The following MUSK variants were observed in gnomAD, a reference collection of about 807,000 sequenced individuals.
MUSK encodes muscle, skeletal receptor tyrosine-protein kinase.
In MUSK, 55 loss-of-function variants were observed where a neutral mutation model predicts 88.7. The observed-to-expected ratio is 0.62, with a 90% CI of 0.50 to 0.78. The LOEUF (loss-of-function observed/expected upper bound fraction) is 0.78. Ranked by LOEUF, MUSK falls within the 30% of genes least tolerant of loss-of-function variation. MUSK has a pLI of 0.00. For missense variants in MUSK, 1,015 were observed against 1,074.3 expected (o/e 0.94, Z 0.77); for synonymous variants, 387 against 391.9 (o/e 0.99, Z 0.15).
intron 1 of MUSK, among the ~76,000 whole-genome samples, chr9:110,678,351 G>T (rs2076056897): frequency 6.6e-6 from 1 of 151,810 alleles, no homozygotes; most frequent in South Asian, 2.1e-4. Context: ...AAAACACCTG[G>T]ATCCTTCAGT....
chr9:110,699,642 C>G (rs1444941334), intron 5 of MUSK, among the ~76,000 whole-genome samples: 1 of 151,862 alleles, frequency 6.6e-6, no homozygotes, highest in Non-Finnish European at 1.5e-5. Context: ...TAAAAAAAAG[C>G]AACTGAGAAA....
chr9:110,753,624 C>T (rs2821151), intron 7 of MUSK, among the ~76,000 whole-genome samples: 18,253 of 151,996 alleles, frequency 0.12, 1,381 homozygotes, highest in East Asian at 0.31. Flanking sequence ...TAATGTAAGC[C>T]GCTCCCCATT....
rs547504624 is a variant in MUSK, at chr9:110,716,378, A to C, written c.629-17873A>C. 3.5e-4 allele frequency among the ~76,000 whole-genome samples: 53 copies of C among 150,166 alleles called. 3 individuals carry two copies. The highest frequency in any genetic ancestry group is 1.3e-3 in the African/African-American group (51 of 39,742). ...ATCTTAAACATTAATGCTGTCACCA[A>C]ATAAATTCTCACAAAGTAATAGAAA... On this transcript the variant is annotated intron_variant, in intron 5 of 14. Coordinates refer to ENST00000374448, the MANE Select transcript of MUSK (RefSeq NM_005592.4).
Position 110,776,629 on chromosome 9 carries a change from C to G in MUSK, c.1361-3C>G. ...AAACAAATTTTTATCCTTTCCCCTT[C>G]AGATTATAACAAAGAAAACCTAAAA... On this transcript the variant is annotated splice_polypyrimidine_tract_variant and splice_region_variant and intron_variant, in intron 10 of 14. Coordinates refer to ENST00000374448, the MANE Select transcript of MUSK (RefSeq NM_005592.4). The G allele has an allele frequency of 6.3e-7, 1 of 1,598,408 alleles. No homozygotes were observed. The highest frequency in any genetic ancestry group is 8.6e-7 in the Non-Finnish European group (1 of 1,167,428).
At chr9:110,672,425 T>A (rs553595346) in intron 1 of MUSK, among the ~76,000 whole-genome samples, 1 of 152,132 alleles carries the variant, frequency 6.6e-6, no homozygotes, top group Non-Finnish European at 1.5e-5. Context: ...TTTACTGCAC[T>A]ATACCCAGCA....
chr9:110,696,406 C>T (rs952239008), intron 4 of MUSK, among the ~76,000 whole-genome samples: 2 of 152,076 alleles, frequency 1.3e-5, no homozygotes, highest in Admixed American at 6.6e-5. Context: ...TAAAAGATTA[C>T]AGACTATGTT....
intron 5 of MUSK, chr9:110,706,170 T>TA (rs1564234373): frequency 2.0e-6 from 1 of 489,828 alleles, no homozygotes; most frequent in Non-Finnish European, 4.2e-6. Context: ...TATACAATGA[T>TA]AAAACAAAAA....
chr9:110,753,385 T>C (rs2077271353), intron 7 of MUSK, among the ~76,000 whole-genome samples: 1 of 148,512 alleles, frequency 6.7e-6, no homozygotes, highest in African/African-American at 2.5e-5. Flanking sequence ...TGAGCTGAAA[T>C]TGCACCACTG....
intron 1 of MUSK, among the ~76,000 whole-genome samples, chr9:110,681,766 A>T (rs1287258670): frequency 6.6e-6 from 1 of 152,112 alleles, no homozygotes; most frequent in East Asian, 1.9e-4. Context: ...CAGAAAGTGG[A>T]TGTATCTTTT....
At chr9:110,767,694 C>G in intron 8 of MUSK, 126 bp from the exon 9 acceptor site, 1 of 1,026,540 alleles carries the variant, frequency 9.7e-7, no homozygotes, top group South Asian at 1.3e-5. Context: ...GCGTGTCAAC[C>G]AATTTACTAG....
intron 1 of MUSK, among the ~76,000 whole-genome samples, chr9:110,681,076 T>TA (rs1691584664): frequency 6.1e-5 from 2 of 32,784 alleles, no homozygotes; most frequent in Non-Finnish European, 9.7e-5. Flanking sequence ...TAATATTATA[T>TA]ATATTATATA....
At chr9:110,689,555 A>C (rs2076262919) in intron 3 of MUSK, among the ~76,000 whole-genome samples, 1 of 104,170 alleles carries the variant, frequency 9.6e-6, no homozygotes, top group Non-Finnish European at 1.7e-5. Context: ...ATATATATTT[A>C]TATATTATAT....
In MUSK at chr9:110,800,680, T is replaced by C; in HGVS notation, c.2302T>C (p.Trp768Arg). The C allele has an allele frequency of 6.2e-7, 1 of 1,614,028 alleles. No homozygotes were observed. The highest frequency in any genetic ancestry group is 8.5e-7 in the Non-Finnish European group (1 of 1,179,898). ...ANENDAIPIR[W>R]MPPESIFYNR... ...TGAAAACGACGCTATCCCTATCCGT[T>C]GGATGCCACCAGAGTCCATTTTTTA... Residue 768 changes from tryptophan to arginine, a missense_variant, in exon 15 of 15, where the codon TGG becomes CGG. Trp to Arg is a moderately radical substitution (Grantham distance 101, BLOSUM62 -3). Coordinates refer to ENST00000374448, the MANE Select transcript of MUSK (RefSeq NM_005592.4).
At chr9:110,689,534 A>ACTATATATTT (rs1554735085) in intron 3 of MUSK, among the ~76,000 whole-genome samples, 2 of 102,206 alleles carry the variant, frequency 2.0e-5, no homozygotes, top group African/African-American at 4.4e-5. Flanking sequence ...ACTATATATA[A>ACTATATATTT]ATATATAGTT....
chr9:110,797,367 G>A (rs948281558), intron 14 of MUSK, among the ~76,000 whole-genome samples: 1 of 151,992 alleles, frequency 6.6e-6, no homozygotes, highest in African/African-American at 2.4e-5. Context: ...GGTGAAAAAG[G>A]GAGGAAGTGA....
intron 2 of MUSK, among the ~76,000 whole-genome samples, chr9:110,684,500 T>TG (rs2076169972): frequency 6.6e-6 from 1 of 152,014 alleles, no homozygotes; most frequent in Non-Finnish European, 1.5e-5. Flanking sequence ...ATTTTTTTTT[T>TG]CTATTTCTGT....
At chr9:110,799,184 A>G (rs1047454290) in intron 14 of MUSK, among the ~76,000 whole-genome samples, 10 of 152,314 alleles carry the variant, frequency 6.6e-5, no homozygotes, top group African/African-American at 1.4e-4. Context: ...TGCCAAAATA[A>G]ATAAGCCAAG....
At chr9:110,751,908 A>G (rs1433322712) in intron 7 of MUSK, among the ~76,000 whole-genome samples, 1 of 152,220 alleles carries the variant, frequency 6.6e-6, no homozygotes, top group Non-Finnish European at 1.5e-5. Context: ...TTACTCGAAA[A>G]CTGAAAAATG....
chr9:110,739,950 T>C (rs1002608702), intron 6 of MUSK, among the ~76,000 whole-genome samples: 1 of 152,136 alleles, frequency 6.6e-6, no homozygotes, highest in African/African-American at 2.4e-5. Context: ...TATATTATCA[T>C]ATTACAATAT....
Sources: gnomAD v4.1 joint callset for allele counts (sites outside exome capture counted in the v4.1 genomes callset) on GRCh38, gnomAD v4.1.1 for gene constraint, MANE v1.5 for transcripts, NCBI Gene and HGNC (gene_info 2026-07-23, HGNC 2026-07-21) for gene names.